The following BFAR variants were observed in gnomAD, a reference collection of about 807,000 sequenced individuals.
The protein encoded by BFAR is bifunctional apoptosis regulator.
In BFAR, 52 loss-of-function variants were observed where a neutral mutation model predicts 54.4. The ratio of observed to expected loss-of-function variants is 0.96; its 90% CI spans 0.77 to 1.21. The LOEUF (loss-of-function observed/expected upper bound fraction) is 1.21, where lower values mean the gene tolerates loss of function less well. Among genes scored for constraint, BFAR ranks in the 50% most tolerant of loss-of-function variants. The probability of loss-of-function intolerance (pLI) is 0.00; values close to 1 mark genes in which losing one functional copy is unlikely to be tolerated. For synonymous variants in BFAR, 215 were observed against 204.3 expected, an observed-to-expected ratio of 1.05 and a Z score of -0.45; for missense variants, 571 against 534.0, an observed-to-expected ratio of 1.07 and a Z score of -0.68.
At chr16:14,655,730 G>A (rs776701799) in intron 5 of BFAR, among the ~76,000 whole-genome samples, 1 of 151,994 alleles carries the variant, frequency 6.6e-6, no homozygotes, top group Non-Finnish European at 1.5e-5. Context: ...GTCAGCCACC[G>A]CGCCTGGCCT....
intron 7 of BFAR, 162 bp from the exon 8 acceptor site, chr16:14,667,473 G>A (rs189227171): frequency 3.1e-6 from 2 of 649,858 alleles, no homozygotes; most frequent in Non-Finnish European, 5.3e-6. Context: ...GTTAAAAGAT[G>A]GGTTGAGTAG....
intron 6 of BFAR, among the ~76,000 whole-genome samples, chr16:14,663,479 C>G (rs910616414): frequency 6.6e-6 from 1 of 151,950 alleles, no homozygotes; most frequent in Admixed American, 6.6e-5. Flanking sequence ...CTACAGGCGC[C>G]CGCCACCACA....
At chr16:14,636,755 T>C (rs576507033) in intron 1 of BFAR, among the ~76,000 whole-genome samples, 53 of 152,296 alleles carry the variant, frequency 3.5e-4, no homozygotes, top group African/African-American at 1.3e-3. Context: ...GACTATCACA[T>C]GGGGAGAAAC....
intron 6 of BFAR, among the ~76,000 whole-genome samples, chr16:14,663,412 A>C (rs1187092821): frequency 6.6e-6 from 1 of 151,706 alleles, no homozygotes; most frequent in Non-Finnish European, 1.5e-5. Flanking sequence ...GCTCACTGCA[A>C]CCTCCATCTC....
Position 14,668,935 on chromosome 16 carries a change from G to T in BFAR, c.*1108G>T, listed in dbSNP as rs1451539890. ...GAGCTCACACTATATAATCTTTATT[G>T]TCCTATCCTGATGTATAATACAGCA... is the stretch of plus-strand genomic sequence containing the variant. On this transcript the variant is annotated 3_prime_UTR_variant, in exon 8 of 8. Transcript: ENST00000261658. 1 of 296,850 alleles carries T rather than the reference G, an allele frequency of 3.4e-6. No individual in the cohort carries two copies. Among genetic ancestry groups the T allele is most frequent in the Admixed American group, 3.8e-5 (1 of 25,992 alleles). 18.4% of individuals were successfully genotyped at this position (296,850 alleles called of 1,614,324 possible).
At chr16:14,661,835 G>A in intron 5 of BFAR, 57 bp from the exon 6 acceptor site, 1 of 1,578,886 alleles carries the variant, frequency 6.3e-7, no homozygotes, top group Non-Finnish European at 8.7e-7. Flanking sequence ...GAAGGAGCGT[G>A]GGTGGGTAGC....
intron 3 of BFAR, 99 bp from the exon 4 acceptor site, chr16:14,649,705 G>T (rs1481331725): frequency 3.6e-6 from 4 of 1,120,848 alleles, no homozygotes; most frequent in Non-Finnish European, 5.1e-6. Context: ...ATCATTCCCT[G>T]TGAGCTCAGC....
At position 14,645,777 on chromosome 16, in the gene BFAR, T is replaced by C. The variant is rs1414427191; in HGVS notation, c.263+1168T>C. On this transcript the variant is annotated intron_variant, in intron 2 of 7. Coordinates refer to ENST00000261658, the MANE Select transcript of BFAR (RefSeq NM_016561.3). Reference sequence around the variant, plus strand: ...CAATTTAAGCTGACAGTTGGTCTTATTACTGAATTTTGCTTTTTTCCCTTC... The same window carrying C: ...CAATTTAAGCTGACAGTTGGTCTTACTACTGAATTTTGCTTTTTTCCCTTC... 4.6e-5 allele frequency among the ~76,000 whole-genome samples: 7 copies of C among 152,322 alleles called. No homozygotes were observed. The East Asian group carries it at 1.3e-3, about 29-fold the overall frequency.
chr16:14,659,232 T>C (rs995071992), intron 5 of BFAR, among the ~76,000 whole-genome samples: 3 of 148,820 alleles, frequency 2.0e-5, no homozygotes, highest in Non-Finnish European at 3.0e-5. Context: ...TTGGTTTTTT[T>C]TGTTTTTTTT....
In BFAR at chr16:14,667,705, T is replaced by C; in HGVS notation, c.1231T>C (p.Trp411Arg). ...STQGLFVAMF[W>R]PLIPQFVCNC... The stretch of plus-strand genomic sequence containing the variant: ...GCAGGGGCTTTTTGTGGCCATGTTC[T>C]GGCCCCTCATCCCTCAGTTTGTTTG... The change falls in exon 8 of 8, where the codon TGG becomes CGG. Residue 411 changes from tryptophan to arginine, a missense_variant. Trp to Arg is a moderately radical substitution (Grantham distance 101). Coordinates refer to ENST00000261658, the MANE Select transcript of BFAR (RefSeq NM_016561.3). 6.2e-7 allele frequency: 1 copy of C among 1,614,198 alleles called. No homozygotes were observed. Among genetic ancestry groups the C allele is most frequent in the Non-Finnish European group, 8.5e-7 (1 of 1,180,008 alleles).
intron 1 of BFAR, among the ~76,000 whole-genome samples, chr16:14,638,640 T>C (rs1333713934): frequency 6.6e-6 from 1 of 152,182 alleles, no homozygotes; most frequent in Non-Finnish European, 1.5e-5. Flanking sequence ...AAGATCTTTA[T>C]AAGTAAGGGT....
At chr16:14,665,326 C>A in intron 7 of BFAR, 6 of 378,236 alleles carry the variant, frequency 1.6e-5, no homozygotes, top group South Asian at 1.2e-4. Flanking sequence ...CATTTAATTT[C>A]AGGGGGAGGG....
At chr16:14,644,226 C>G in intron 1 of BFAR, 48 bp from the exon 2 acceptor site, 2 of 1,039,676 alleles carry the variant, frequency 1.9e-6, no homozygotes, top group South Asian at 1.5e-5. Context: ...AACTGCTCTT[C>G]AAACAACTAC....
intron 6 of BFAR, among the ~76,000 whole-genome samples, chr16:14,664,214 C>A (rs560485400): frequency 9.9e-4 from 150 of 152,056 alleles, no homozygotes; most frequent in African/African-American, 3.4e-3. Flanking sequence ...AAGGGGCATA[C>A]ATGCTTCAGA....
chr16:14,638,224 A>C (rs1484818387), intron 1 of BFAR, among the ~76,000 whole-genome samples: 1 of 152,150 alleles, frequency 6.6e-6, no homozygotes, highest in Non-Finnish European at 1.5e-5. Context: ...CTATACAAAA[A>C]AAATTTTAAT....
chr16:14,668,070 C>T lies in BFAR; in HGVS notation c.*243C>T, dbSNP rs1438126709. 1.1e-5 allele frequency: 6 copies of T among 526,218 alleles called. No individual in the cohort carries two copies. Among genetic ancestry groups the T allele is most frequent in the Non-Finnish European group, 2.0e-5 (6 of 296,978 alleles). The allele number at this position is 526,218 out of a possible 1,614,324, so 32.6% of individuals were successfully genotyped here. A position where few individuals can be genotyped will look rare whatever the true frequency, so the allele number is the denominator to read the frequency against. On this transcript the variant is annotated 3_prime_UTR_variant, in exon 8 of 8. Transcript: ENST00000261658. Reference sequence around the variant, plus strand: ...TGACACAGCAGCAGCCCTTCCCACCCAGCCACCTTCCTCACAGGGACTAGG... The same window carrying T: ...TGACACAGCAGCAGCCCTTCCCACCTAGCCACCTTCCTCACAGGGACTAGG...
intron 1 of BFAR, among the ~76,000 whole-genome samples, chr16:14,636,529 C>A (rs925814546): frequency 6.6e-6 from 1 of 152,214 alleles, no homozygotes; most frequent in South Asian, 2.1e-4. Flanking sequence ...AGCCCTAAGG[C>A]GGTTTTCCCC....
intron 1 of BFAR, among the ~76,000 whole-genome samples, chr16:14,639,288 G>C (rs780823448): frequency 1.3e-5 from 2 of 151,792 alleles, no homozygotes; most frequent in Non-Finnish European, 2.9e-5. Flanking sequence ...GTTCATCCCA[G>C]CACCCCAGAA....
At chr16:14,661,565 G>C (rs1960288745) in intron 5 of BFAR, among the ~76,000 whole-genome samples, 1 of 151,906 alleles carries the variant, frequency 6.6e-6, no homozygotes, top group Non-Finnish European at 1.5e-5. Context: ...ACCATGCCCA[G>C]CTAATTTTTT....
Sources: allele counts gnomAD v4.1 joint callset (sites outside exome capture counted in the v4.1 genomes callset), GRCh38; gene constraint gnomAD v4.1.1; transcripts MANE v1.5; gene names NCBI Gene and HGNC (gene_info 2026-07-23, HGNC 2026-07-21).